Variants in TRIM24 observed in about 807,000 individuals in gnomAD.
The protein encoded by TRIM24 is transcription intermediary factor 1-alpha.
In TRIM24, 29 loss-of-function variants were observed where a neutral mutation model predicts 123.9. The observed-to-expected ratio is 0.23, with a 90% confidence interval of 0.17 to 0.32. TRIM24 has a LOEUF of 0.32. Ranked by LOEUF, TRIM24 falls within the 10% of genes least tolerant of loss-of-function variation. TRIM24 has a pLI of 1.00. For missense variants in TRIM24, 932 were observed against 1,295.3 expected (o/e 0.72, Z 4.31); for synonymous variants, 456 against 461.1 (o/e 0.99, Z 0.14).
At chr7:138,563,056 T>G (rs1253686827) in intron 9 of TRIM24, among the ~76,000 whole-genome samples, 1 of 152,126 alleles carries the variant, frequency 6.6e-6, no homozygotes, top group African/African-American at 2.4e-5. Flanking sequence ...AGTTGTATAG[T>G]TTTTGGATAG....
At chr7:138,486,594 A>C (rs186399078) in intron 1 of TRIM24, among the ~76,000 whole-genome samples, 2 of 152,304 alleles carry the variant, frequency 1.3e-5, no homozygotes, top group African/African-American at 4.8e-5. Flanking sequence ...TAAATAGGGA[A>C]TCCTTTCCCC....
intron 5 of TRIM24, among the ~76,000 whole-genome samples, chr7:138,528,253 A>G (rs1320834187): frequency 2.0e-5 from 3 of 152,214 alleles, no homozygotes; most frequent in Admixed American, 6.5e-5. Context: ...GTTACTAGTT[A>G]TAGAAAACAA....
intron 9 of TRIM24, among the ~76,000 whole-genome samples, chr7:138,564,185 C>T (rs752235461): frequency 6.6e-5 from 10 of 152,124 alleles, no homozygotes; most frequent in Admixed American, 5.9e-4. Context: ...GATGAAGTTC[C>T]GTTGCCCCCC....
intron 1 of TRIM24, among the ~76,000 whole-genome samples, chr7:138,481,217 C>T (rs951155930): frequency 1.3e-5 from 2 of 151,884 alleles, no homozygotes; most frequent in Non-Finnish European, 2.9e-5. Context: ...GTCTCAAACT[C>T]CCGAGCTCAG....
At chr7:138,504,447 CTTTTTTT>C (rs750956455) in intron 2 of TRIM24, 39 bp downstream of exon 2, 74 of 155,118 alleles carry the variant, frequency 4.8e-4, no homozygotes, top group African/African-American at 1.3e-3. Context: ...CCTGCCAGCT[CTTTTTTT>C]TTTTTTTTTT....
At chr7:138,499,348 A>G (rs1290502403) in intron 1 of TRIM24, among the ~76,000 whole-genome samples, 2 of 152,172 alleles carry the variant, frequency 1.3e-5, no homozygotes, top group East Asian at 1.9e-4. Context: ...TATTTTTACT[A>G]CTTGCCTGAG....
At chr7:138,485,305 TA>T (rs1411725328) in intron 1 of TRIM24, among the ~76,000 whole-genome samples, 5 of 152,278 alleles carry the variant, frequency 3.3e-5, no homozygotes, top group Admixed American at 2.0e-4. Flanking sequence ...TAGTGTTCTG[TA>T]ACTTTCACTG....
chr7:138,484,954 C>A (rs1167714810), intron 1 of TRIM24, among the ~76,000 whole-genome samples: 1 of 151,790 alleles, frequency 6.6e-6, no homozygotes, highest in Non-Finnish European at 1.5e-5. Context: ...TATAAATTTT[C>A]AATTTTATTG....
intron 4 of TRIM24, among the ~76,000 whole-genome samples, chr7:138,524,867 G>T (rs973937508): frequency 6.6e-6 from 1 of 152,078 alleles, no homozygotes; most frequent in Middle Eastern, 3.4e-3. Context: ...TTTAAAAGTG[G>T]TCTTTTAAAA....
intron 1 of TRIM24, among the ~76,000 whole-genome samples, chr7:138,463,252 C>T (rs1427611989): frequency 6.6e-6 from 1 of 151,004 alleles, no homozygotes; most frequent in Non-Finnish European, 1.5e-5. Flanking sequence ...TTCTTTCCTG[C>T]GTTCTTACCT....
At chr7:138,471,538 A>T (rs577157754) in intron 1 of TRIM24, among the ~76,000 whole-genome samples, 20 of 150,756 alleles carry the variant, frequency 1.3e-4, no homozygotes, top group African/African-American at 4.9e-4. Flanking sequence ...TTTTTATTTT[A>T]TTTATTTATT....
chr7:138,485,529 G>T (rs1306361597), intron 1 of TRIM24, among the ~76,000 whole-genome samples: 1 of 152,024 alleles, frequency 6.6e-6, no homozygotes, highest in African/African-American at 2.4e-5. Flanking sequence ...ACAGTCCCTG[G>T]TGTGTGATGT....
chr7:138,461,110 TC>T, intron 1 of TRIM24, 198 bp downstream of exon 1: 1 of 709,594 alleles, frequency 1.4e-6, no homozygotes, highest in Non-Finnish European at 2.5e-6. Context: ...GCCAGCAACT[TC>T]CCCGGGCGCT....
chr7:138,513,911 T>G (rs190257527), intron 2 of TRIM24, among the ~76,000 whole-genome samples: 3 of 152,302 alleles, frequency 2.0e-5, no homozygotes, highest in Non-Finnish European at 4.4e-5. Flanking sequence ...CTTTTAGAGA[T>G]GCTGTGTGAG....
intron 9 of TRIM24, 50 bp from the exon 10 acceptor site, chr7:138,567,431 G>C: frequency 6.7e-7 from 1 of 1,490,350 alleles, no homozygotes; most frequent in Non-Finnish European, 9.0e-7. Flanking sequence ...TTTATAATTT[G>C]TTTTTCAGAA....
Position 138,460,828 on chromosome 7 carries a change from C to A in TRIM24, c.280C>A (p.Pro94Thr). ...CCAGCGCTACCTCATGCTGCCCGCG[C>A]CCATGCTGGGCTCGGCCGAGACCCC... ...APQRYLMLPAPMLGSAETPPP... is the reference protein window; with the variant it reads ...APQRYLMLPATMLGSAETPPP... Residue 94 changes from proline to threonine, a missense_variant, in exon 1 of 19, where the codon CCC becomes ACC. This residue lies in a region of TRIM24 where 164 missense variants were observed against 181.9 expected (regional missense o/e 0.90). Coordinates refer to ENST00000343526, the MANE Select transcript of TRIM24 (RefSeq NM_015905.3). 6.3e-7 allele frequency: 1 copy of A among 1,577,330 alleles called. No individual in the cohort carries two copies. The highest frequency in any genetic ancestry group is 8.6e-7 in the Non-Finnish European group (1 of 1,167,516).
intron 1 of TRIM24, among the ~76,000 whole-genome samples, chr7:138,480,135 A>T (rs1022943978): frequency 6.6e-6 from 1 of 152,032 alleles, no homozygotes; most frequent in African/African-American, 2.4e-5. Context: ...TTAAGTTTTT[A>T]AATTTTTTTT....
Position 138,586,166 on chromosome 7 carries a change from C to G in TRIM24, c.*1215C>G. 1 of 316,118 alleles carries G rather than the reference C, an allele frequency of 3.2e-6. No individual in the cohort carries two copies. The highest frequency in any genetic ancestry group is 6.2e-6 in the Non-Finnish European group (1 of 160,102). The allele number at this position is 316,118 out of a possible 1,614,324, so 19.6% of individuals were successfully genotyped here. ...ATATTCTTAATGTGCCAGACCTACC[C>G]GGTTCAGCTGATATAGATAGATAGA... On this transcript the variant is annotated 3_prime_UTR_variant, in exon 19 of 19. Coordinates refer to ENST00000343526, the MANE Select transcript of TRIM24 (RefSeq NM_015905.3).
intron 10 of TRIM24, 131 bp downstream of exon 10, chr7:138,567,785 A>C (rs1797566784): frequency 3.1e-6 from 3 of 959,982 alleles, no homozygotes; most frequent in Non-Finnish European, 2.8e-6. Context: ...TTTTAAATAA[A>C]TGTGAATTGC....
Sources: gnomAD v4.1 joint callset for allele counts (sites outside exome capture counted in the v4.1 genomes callset) on GRCh38, gnomAD v4.1.1 for gene constraint, gnomAD v4.1.1 regional missense constraint, MANE v1.5 for transcripts, NCBI Gene and HGNC (gene_info 2026-07-23, HGNC 2026-07-21) for gene names.